The following LRRC75B variants were observed in gnomAD, a reference collection of about 807,000 sequenced individuals.
LRRC75B encodes leucine-rich repeat-containing protein 75B.
LRRC75B carries 20 observed loss-of-function variants against 16.5 expected under a neutral mutation model. That is an observed-to-expected ratio of 1.21 (90% CI 0.85 to 1.76). The LOEUF is 1.76. Ranked by LOEUF, LRRC75B falls within the 40% of genes most tolerant of loss-of-function variation. The pLI is 0.00. For missense variants in LRRC75B, 406 were observed against 417.0 expected, an observed-to-expected ratio of 0.97 and a Z score of 0.23; for synonymous variants, 199 against 198.1, an observed-to-expected ratio of 1.00 and a Z score of -0.04.
rs1343506165 is a variant in LRRC75B at position 24,589,867 on chromosome 22, T to C, written c.260A>G (p.His87Arg). The C allele has an allele frequency of 3.1e-6, 5 of 1,613,932 alleles. No homozygotes were observed. Among genetic ancestry groups the C allele is most frequent in the Non-Finnish European group, 3.4e-6 (4 of 1,179,904 alleles). The change falls in exon 2 of 4, where the codon CAT becomes CGT. Residue 87 changes from histidine to arginine, a missense_variant. By Grantham distance (29) the His-to-Arg change is conservative. Coordinates refer to ENST00000318753, the MANE Select transcript of LRRC75B (RefSeq NM_207644.3). Reference sequence around the variant, plus strand: ...CCGGGCCAGGTTCACAAGCAGGTCATGGGAGATGGGGTCGACCGGGTTGAG... The same window carrying C: ...CCGGGCCAGGTTCACAAGCAGGTCACGGGAGATGGGGTCGACCGGGTTGAG... Reference protein sequence around the residue: ...AFLNPVDPISHDLLVNLARDL... With the variant: ...AFLNPVDPISRDLLVNLARDL...
rs757740578 is a variant in LRRC75B, at chr22:24,585,880, G to A, written c.*6C>T. 5 of 1,572,042 alleles carry A rather than the reference G, an allele frequency of 3.2e-6. No individual in the cohort carries two copies. The highest frequency in any genetic ancestry group is 1.8e-5 in the Admixed American group (1 of 54,830). On this transcript the variant is annotated 3_prime_UTR_variant, in exon 4 of 4. Coordinates refer to ENST00000318753, the MANE Select transcript of LRRC75B (RefSeq NM_207644.3). ...GTCAGTAGCAATGAGCCAGGTGGGT[G>A]GTGGGTCACCTGGCACAGCAGGCCT...
rs1011429815 is a variant in LRRC75B at position 24,585,781 on chromosome 22, C to T, written c.*105G>A. On this transcript the variant is annotated 3_prime_UTR_variant, in exon 4 of 4. Transcript: ENST00000318753. ...CCCTTAATCTCAGGCTGAGCATTTA[C>T]ACTGGATTTCTGGGGGCCTGTGAGT... is the stretch of plus-strand genomic sequence containing the variant. 2.3e-5 allele frequency: 27 copies of T among 1,178,070 alleles called. No homozygotes were observed. The highest frequency in any genetic ancestry group is 3.2e-5 in the South Asian group (2 of 62,848). The allele number at this position is 1,178,070 out of a possible 1,614,324, so 73.0% of individuals were successfully genotyped here. A position where few individuals can be genotyped will look rare whatever the true frequency, so the allele number is the denominator to read the frequency against.
At chr22:24,587,344 G>A (rs1015076089) in intron 3 of LRRC75B, among the ~76,000 whole-genome samples, 7 of 152,158 alleles carry the variant, frequency 4.6e-5, no homozygotes, top group South Asian at 2.1e-4. Flanking sequence ...AAGGACCCCC[G>A]CCCCCACCAA....
chr22:24,586,202 G>A lies in LRRC75B; in HGVS notation c.632C>T (p.Thr211Ile). The change falls in exon 4 of 4, where the codon ACC becomes ATC. Residue 211 changes from threonine to isoleucine, a missense_variant. Physicochemically the swap from Thr to Ile is moderately conservative, Grantham distance 89. Transcript: ENST00000318753. ...TCGGTTGCCGTTGAGCAGGAGCTGG[G>A]TGAGGCGGGGCAGCGCCCACAGGCT... is the stretch of plus-strand genomic sequence containing the variant. ...LPSLWALPRLTQLLLNGNRLT... is the reference protein window; with the variant it reads ...LPSLWALPRLIQLLLNGNRLT... 6.2e-7 allele frequency: 1 copy of A among 1,613,732 alleles called. No homozygotes were observed. The highest frequency in any genetic ancestry group is 8.5e-7 in the Non-Finnish European group (1 of 1,180,032).
intron 2 of LRRC75B, chr22:24,589,322 C>A: frequency 8.5e-7 from 1 of 1,178,554 alleles, no homozygotes; most frequent in Non-Finnish European, 1.1e-6. Flanking sequence ...GAGGGCCTTG[C>A]TTATGACCCC....
At position 24,587,276 on chromosome 22, in the gene LRRC75B, G is replaced by A. The variant is rs542185318; in HGVS notation, c.423-865C>T. Among the ~76,000 whole-genome samples the A allele has an allele frequency of 7.2e-4, 110 of 152,292 alleles. 1 individual carries two copies. The highest frequency in any genetic ancestry group is 3.3e-3 in the Admixed American group (51 of 15,300). The stretch of plus-strand genomic sequence containing the variant: ...GTCCTGGGTGTGCAGGCTGGGGGCC[G>A]GCCATGAGGGAGGGCTCCCCGTGTT... On this transcript the variant is annotated intron_variant, in intron 3 of 3. Transcript: ENST00000318753.
intron 2 of LRRC75B, chr22:24,589,372 G>C (rs1017041797): frequency 3.0e-5 from 34 of 1,129,010 alleles, no homozygotes; most frequent in Non-Finnish European, 3.7e-5. Context: ...CGTCCGCAAG[G>C]GTGTCTGTAC....
At position 24,586,086 on chromosome 22, in the gene LRRC75B, C is replaced by T. The variant is rs1020020732; in HGVS notation, c.748G>A (p.Val250Met). Residue 250 changes from valine (V) to methionine (M), a missense_variant, in exon 4 of 4, where the codon GTG becomes ATG. Transcript: ENST00000318753. ...ALAWVDLGNN[V>M]DVASLPQPLL... ...GGCTGGGGCAGGGAAGCCACATCCA[C>T]GTTGTTGCCCAGGTCCACCCAAGCC... is the stretch of plus-strand genomic sequence containing the variant. 7.7e-5 allele frequency: 124 copies of T among 1,612,474 alleles called. No homozygotes were observed. Among genetic ancestry groups the T allele is most frequent in the Middle Eastern group, 3.3e-4 (2 of 6,084 alleles).
chr22:24,588,121 T>C, intron 3 of LRRC75B, 93 bp downstream of exon 3: 1 of 1,019,774 alleles, frequency 9.8e-7, no homozygotes, highest in South Asian at 1.4e-5. Context: ...AGGTGGGATT[T>C]CAGCACCAGC....
chr22:24,592,655 T>TCCAGGCGGTCGCCCTCTCG (rs1489794596), intron 1 of LRRC75B: 5 of 818,020 alleles, frequency 6.1e-6, no homozygotes, highest in Non-Finnish European at 8.7e-6. Context: ...CAGCCCTCAC[T>TCCAGGCGGTCGCCCTCTCG]CCAGGCGGTC....
intron 2 of LRRC75B, 95 bp from the exon 3 acceptor site, chr22:24,588,424 G>A: frequency 1.0e-6 from 1 of 978,950 alleles, no homozygotes; most frequent in South Asian, 1.4e-5. Flanking sequence ...GTGTGTGTGT[G>A]AGCACAGTCA....
At chr22:24,588,149 G>T in intron 3 of LRRC75B, 65 bp downstream of exon 3, 1 of 1,259,748 alleles carries the variant, frequency 7.9e-7, no homozygotes, top group Non-Finnish European at 1.1e-6. Context: ...TGAGAGTGCA[G>T]GTGTCAACCT....
At chr22:24,588,748 A>G (rs916968276) in intron 2 of LRRC75B, 58 of 1,049,158 alleles carry the variant, frequency 5.5e-5, no homozygotes, top group Non-Finnish European at 6.4e-5. Flanking sequence ...CCCAGGGAGT[A>G]GGAACAAGCC....
In LRRC75B at chr22:24,588,189, G is replaced by A. The variant is rs1186641470; in HGVS notation, c.422+25C>T. 3 of 1,550,556 alleles carry A rather than the reference G, an allele frequency of 1.9e-6. No individual in the cohort carries two copies. The African/African-American group carries it at 4.1e-5, about 21-fold the overall frequency. ...AGGGACCTTGGAGCAGCAGTGAGGA[G>A]GGGCAGTGGCTGGGCTACCCTTACC... On this transcript the variant is annotated intron_variant, in intron 3 of 3. Transcript: ENST00000318753.
chr22:24,586,778 G>A (rs41277321), intron 3 of LRRC75B, among the ~76,000 whole-genome samples: 466 of 152,290 alleles, frequency 3.1e-3, no homozygotes, highest in Non-Finnish European at 5.2e-3. Context: ...TGATCTGACC[G>A]CCTCAGCCTC....
chr22:24,586,004 T>TC lies in LRRC75B; in HGVS notation c.829_830insG (p.Tyr277Ter). 6.2e-7 allele frequency: 1 copy of TC among 1,610,848 alleles called. No homozygotes were observed. Among genetic ancestry groups the TC allele is most frequent in the East Asian group, 2.2e-5 (1 of 44,862 alleles). The change falls in exon 4 of 4, where the codon TAC (tyrosine) becomes TGAC (stop). Residue 277 changes from tyrosine (Y) to a stop codon, truncating the protein, a stop_gained and frameshift_variant. Transcript: ENST00000318753. LOFTEE classifies it low-confidence loss of function (END_TRUNC). Reference protein sequence around the residue: ...LSQRTSLPTIYEGLDLEPEGS... With the variant: ...LSQRTSLPTI ...CTCAGGCTCAAGGTCCAGGCCCTCG[T>TC]AGATGGTGGGGAGTGAGGTGCGCTG... is the stretch of plus-strand genomic sequence containing the variant.
Position 24,593,003 on chromosome 22 carries a change from C to A in LRRC75B, c.37G>T (p.Ala13Ser). The change falls in exon 1 of 4, where the codon GCT becomes TCT. Residue 13 changes from alanine (A) to serine (S), a missense_variant. By Grantham distance (99) the Ala-to-Ser change is moderately conservative (BLOSUM62 1). Coordinates refer to ENST00000318753, the MANE Select transcript of LRRC75B (RefSeq NM_207644.3). ...ARLGRRAGPE[A>S]GSEAGAAAGC... is the part of the protein sequence containing the mutation. ...GCCGCCGCCCCGGCCTCAGAGCCAG[C>A]CTCGGGCCCGGCCCGCCGGCCCAGC... 3 of 1,129,936 alleles carry A rather than the reference C, an allele frequency of 2.7e-6. No homozygotes were observed. The highest frequency in any genetic ancestry group is 4.7e-5 in the East Asian group (1 of 21,472). 70.0% of individuals were successfully genotyped at this position (1,129,936 alleles called of 1,614,324 possible).
At chr22:24,588,972 T>G in intron 2 of LRRC75B, 1 of 1,009,054 alleles carries the variant, frequency 9.9e-7, no homozygotes, top group Non-Finnish European at 1.2e-6. Flanking sequence ...CACTGCATCC[T>G]TTATCCAGTC....
At chr22:24,589,322 C>G (rs2045496659) in intron 2 of LRRC75B, 1 of 1,178,554 alleles carries the variant, frequency 8.5e-7, no homozygotes, top group Non-Finnish European at 1.1e-6. Context: ...GAGGGCCTTG[C>G]TTATGACCCC....
Sources: gnomAD v4.1 joint callset for allele counts (sites outside exome capture counted in the v4.1 genomes callset) on GRCh38, gnomAD v4.1.1 for gene constraint, MANE v1.5 for transcripts, NCBI Gene and HGNC (gene_info 2026-07-23, HGNC 2026-07-21) for gene names.